The following AMPH variants were observed in gnomAD, a reference collection of about 807,000 sequenced individuals.
AMPH encodes amphiphysin (Stiff-Mann syndrome with breast cancer 128kD autoantigen).
In AMPH, 49 loss-of-function variants were observed where a neutral mutation model predicts 99.1. That is an observed-to-expected ratio of 0.49 (90% CI 0.39 to 0.63). The LOEUF is 0.63. Ranked by LOEUF, AMPH falls within the 20% of genes least tolerant of loss-of-function variation. The probability of loss-of-function intolerance (pLI) is 0.00; values close to 1 mark genes in which losing one functional copy is unlikely to be tolerated. For synonymous variants in AMPH, 314 were observed against 317.3 expected, an observed-to-expected ratio of 0.99 and a Z score of 0.11; for missense variants, 759 against 863.4, an observed-to-expected ratio of 0.88 and a Z score of 1.52.
intron 1 of AMPH, among the ~76,000 whole-genome samples, chr7:38,605,486 A>G (rs566938907): frequency 2.6e-5 from 4 of 152,244 alleles, no homozygotes; most frequent in African/African-American, 9.6e-5. Context: ...AATGTAAGGT[A>G]GAGTCCATTT....
rs141213949 is a variant in AMPH, at chr7:38,600,122, T to C, written c.69+31161A>G. ...AAATACATTTTTATTTGTGATAGTT[T>C]AAAAAAATAAAAGATAAAAATCCCA... On this transcript the variant is annotated intron_variant, in intron 1 of 20. Coordinates refer to ENST00000356264, the MANE Select transcript of AMPH (RefSeq NM_001635.4). 7.2e-3 allele frequency among the ~76,000 whole-genome samples: 1,099 copies of C among 152,244 alleles called. 12 individuals are homozygous for C. Among genetic ancestry groups the C allele is most frequent in the African/African-American group, 0.025 (1,047 of 41,560 alleles).
chr7:38,436,493 C>A, intron 11 of AMPH, 105 bp from the exon 12 acceptor site: 1 of 820,646 alleles, frequency 1.2e-6, no homozygotes, highest in East Asian at 2.5e-5. Context: ...TATTGAGTAT[C>A]TCCAAAACAC....
chr7:38,422,262 G>A (rs1245904847), intron 16 of AMPH, among the ~76,000 whole-genome samples, 159 bp downstream of exon 16: 1 of 152,166 alleles, frequency 6.6e-6, no homozygotes, highest in Non-Finnish European at 1.5e-5. Context: ...AAGTCACACT[G>A]AGGTTTTACA....
chr7:38,461,143 CA>C, intron 11 of AMPH, 139 bp downstream of exon 11: 1 of 963,352 alleles, frequency 1.0e-6, no homozygotes, highest in Non-Finnish European at 1.6e-6. Flanking sequence ...TCAGACTAAC[CA>C]AGTAATTAAA....
chr7:38,407,165 T>G (rs1335999524), intron 17 of AMPH, among the ~76,000 whole-genome samples: 2 of 142,922 alleles, frequency 1.4e-5, no homozygotes, highest in Non-Finnish European at 3.0e-5. Context: ...TCTATCTATA[T>G]CTATCTATCT....
chr7:38,557,464 G>A (rs1197830502), intron 1 of AMPH, among the ~76,000 whole-genome samples: 1 of 152,162 alleles, frequency 6.6e-6, no homozygotes, highest in Non-Finnish European at 1.5e-5. Flanking sequence ...GGTTGTATAA[G>A]GGGCTTTCCC....
intron 1 of AMPH, among the ~76,000 whole-genome samples, chr7:38,610,128 C>T (rs1473025370): frequency 1.3e-5 from 2 of 148,776 alleles, no homozygotes; most frequent in East Asian, 2.0e-4. Context: ...CCCAGCTACT[C>T]GGGAGGCTGA....
intron 3 of AMPH, among the ~76,000 whole-genome samples, chr7:38,500,704 T>C (rs985939450): frequency 2.3e-4 from 35 of 152,220 alleles, no homozygotes; most frequent in Admixed American, 1.8e-3. Context: ...ATGACTTCCG[T>C]GTTCAAATCC....
intron 1 of AMPH, among the ~76,000 whole-genome samples, chr7:38,594,252 A>C (rs1353409251): frequency 1.3e-5 from 2 of 152,152 alleles, no homozygotes; most frequent in Non-Finnish European, 2.9e-5. Flanking sequence ...AGGAGTTTAG[A>C]GTGACAAGGT....
In AMPH at chr7:38,464,868, T is replaced by C. The variant is rs563878939; in HGVS notation, c.749+599A>G. ...CCAGAATCACTGGAGAAAGCTGGTGTGCAGCCGAACCCTGGCAAGGTAGAC... is the reference window on the plus strand; with the variant it reads ...CCAGAATCACTGGAGAAAGCTGGTGCGCAGCCGAACCCTGGCAAGGTAGAC... On this transcript the variant is annotated intron_variant, in intron 9 of 20. Coordinates refer to ENST00000356264, the MANE Select transcript of AMPH (RefSeq NM_001635.4). 2.6e-5 allele frequency among the ~76,000 whole-genome samples: 4 copies of C among 152,300 alleles called. No individual in the cohort carries two copies. The East Asian group carries it at 7.7e-4, about 29-fold the overall frequency.
chr7:38,573,402 T>C (rs1407015972), intron 1 of AMPH, among the ~76,000 whole-genome samples: 1 of 152,238 alleles, frequency 6.6e-6, no homozygotes, highest in Non-Finnish European at 1.5e-5. Context: ...TACACTCCTA[T>C]GAGTGGCACA....
chr7:38,409,396 T>C (rs1254720097), intron 17 of AMPH, among the ~76,000 whole-genome samples: 4 of 152,112 alleles, frequency 2.6e-5, no homozygotes, highest in Admixed American at 6.6e-5. Context: ...TAGAAGATGA[T>C]TGGACTATGG....
intron 2 of AMPH, among the ~76,000 whole-genome samples, chr7:38,504,848 C>A (rs2129027891): frequency 6.6e-6 from 1 of 152,304 alleles, no homozygotes; most frequent in South Asian, 2.1e-4. Flanking sequence ...TATGACTCTA[C>A]AACTGAAAGT....
chr7:38,459,602 C>T (rs960907778), intron 11 of AMPH, among the ~76,000 whole-genome samples: 1 of 151,964 alleles, frequency 6.6e-6, no homozygotes, highest in Non-Finnish European at 1.5e-5. Flanking sequence ...GGGGAAAGGA[C>T]ACCTTCAATA....
At position 38,417,920 on chromosome 7, in the gene AMPH, G is replaced by T; in HGVS notation, c.1303C>A (p.Pro435Thr). Residue 435 changes from proline (P) to threonine (T), a missense_variant, in exon 17 of 21, where the codon CCA (proline) becomes ACA (threonine). Around this residue, in one of 2 missense-constraint regions of AMPH, gnomAD observed 554 missense variants for 575.6 expected, o/e 0.96. Transcript: ENST00000356264. The stretch of plus-strand genomic sequence containing the variant: ...GCAGCCAGAGGCTCCTCTGCTTTTG[G>T]CTCTGTGGGTGGAGCCTGTTCAGAT... Reference protein sequence around the residue: ...AESEQAPPTEPKAEEPLAAVT... With the variant: ...AESEQAPPTETKAEEPLAAVT... The T allele has an allele frequency of 6.2e-7, 1 of 1,614,118 alleles. No individual in the cohort carries two copies. Among genetic ancestry groups the T allele is most frequent in the East Asian group, 2.2e-5 (1 of 44,880 alleles).
At chr7:38,449,211 T>C (rs12669128) in intron 11 of AMPH, among the ~76,000 whole-genome samples, 16,917 of 152,218 alleles carry the variant, frequency 0.11, 1,340 homozygotes, top group East Asian at 0.28. Flanking sequence ...AGAACCTGCA[T>C]CCTGGATACT....
intron 1 of AMPH, among the ~76,000 whole-genome samples, chr7:38,562,103 A>G (rs989075426): frequency 1.3e-5 from 2 of 152,152 alleles, no homozygotes; most frequent in African/African-American, 4.8e-5. Flanking sequence ...AGAGGAAGAA[A>G]AAAGTCATTT....
At chr7:38,590,722 A>G (rs1792825350) in intron 1 of AMPH, among the ~76,000 whole-genome samples, 1 of 152,080 alleles carries the variant, frequency 6.6e-6, no homozygotes, top group South Asian at 2.1e-4. Context: ...GGGTGCGGTC[A>G]CCTTCCCCAG....
At chr7:38,405,437 T>A (rs1433796512) in intron 17 of AMPH, among the ~76,000 whole-genome samples, 1 of 151,962 alleles carries the variant, frequency 6.6e-6, no homozygotes, top group African/African-American at 2.4e-5. Flanking sequence ...AACCCAACCA[T>A]CTGCTGCATA....
Sources: gnomAD v4.1 joint callset for allele counts (sites outside exome capture counted in the v4.1 genomes callset) on GRCh38, gnomAD v4.1.1 for gene constraint, gnomAD v4.1.1 regional missense constraint, MANE v1.5 for transcripts, NCBI Gene and HGNC (gene_info 2026-07-23, HGNC 2026-07-21) for gene names.